The following RIMS2 variants were observed in gnomAD, a reference collection of about 807,000 sequenced individuals.
RIMS2 encodes the protein regulating synaptic membrane exocytosis protein 2.
RIMS2 carries 59 observed loss-of-function variants against 174.4 expected under a neutral mutation model. The observed-to-expected ratio is 0.34, with a 90% CI of 0.27 to 0.42. RIMS2 has a LOEUF of 0.42. Among genes scored for constraint, RIMS2 ranks in the 10% least tolerant of loss-of-function variants. The pLI is 1.00. For synonymous variants in RIMS2, 606 were observed against 572.5 expected, an observed-to-expected ratio of 1.06 and a Z score of -0.84; for missense variants, 1,620 against 1,666.3, an observed-to-expected ratio of 0.97 and a Z score of 0.48.
At chr8:104,247,960 G>A (rs2099345250) in intron 20 of RIMS2, among the ~76,000 whole-genome samples, 1 of 152,210 alleles carries the variant, frequency 6.6e-6, no homozygotes, top group Non-Finnish European at 1.5e-5. Flanking sequence ...AGTGTTTAGT[G>A]TCAGAACTAG....
chr8:103,705,736 C>T (rs1442909490), intron 2 of RIMS2, among the ~76,000 whole-genome samples: 1 of 151,708 alleles, frequency 6.6e-6, no homozygotes, highest in Admixed American at 6.6e-5. Flanking sequence ...CTAATAGCTT[C>T]TGCTGATCTG....
At chr8:103,881,361 A>G (rs1269626575) in intron 3 of RIMS2, among the ~76,000 whole-genome samples, 1 of 151,544 alleles carries the variant, frequency 6.6e-6, no homozygotes, top group Non-Finnish European at 1.5e-5. Flanking sequence ...TTTTATCAAT[A>G]TGGTCAGAAT....
At chr8:103,955,543 T>A (rs1371928397) in intron 14 of RIMS2, among the ~76,000 whole-genome samples, 1 of 152,076 alleles carries the variant, frequency 6.6e-6, no homozygotes, top group Non-Finnish European at 1.5e-5. Context: ...TTAAACAAAA[T>A]TCAACACCCC....
intron 16 of RIMS2, among the ~76,000 whole-genome samples, chr8:103,978,314 A>G (rs2093618563): frequency 8.5e-6 from 1 of 117,960 alleles, no homozygotes; most frequent in African/African-American, 2.6e-5. Context: ...TGTTTATTCC[A>G]TGATAAAACA....
At chr8:104,248,767 C>A (rs2140208966) in exon 21 of RIMS2, 1 of 1,612,728 alleles carries the variant, frequency 6.2e-7, no homozygotes, top group Non-Finnish European at 8.5e-7. Context: ...ATGGCCTTGG[C>A]CCTGCTCAGC....
chr8:104,174,092 G>T (rs191810354), intron 19 of RIMS2, among the ~76,000 whole-genome samples: 5 of 151,962 alleles, frequency 3.3e-5, no homozygotes, highest in Non-Finnish European at 7.4e-5. Context: ...GATTACAGGT[G>T]CCTGCCACCA....
rs2098030109 is a variant in RIMS2, at chr8:103,757,103, G to A, written c.388-9124G>A. Among the ~76,000 whole-genome samples the A allele has an allele frequency of 2.1e-5, 3 of 144,844 alleles. No individual in the cohort carries two copies. In the South Asian group the frequency reaches 6.8e-4, roughly 33 times the overall value. The stretch of plus-strand genomic sequence containing the variant: ...ATCTCCAATACAGTGTAGAACAGAG[G>A]TGGTGATACCGGGAATCCTTAGATC... On this transcript the variant is annotated intron_variant, in intron 2 of 23. Transcript: ENST00000504942.
chr8:103,611,153 T>A (rs2095354790), intron 1 of RIMS2, among the ~76,000 whole-genome samples: 1 of 152,150 alleles, frequency 6.6e-6, no homozygotes, highest in Non-Finnish European at 1.5e-5. Context: ...TTTTGTTTTG[T>A]TTTGTTTTGT....
chr8:103,966,407 G>A (rs1238043178), intron 15 of RIMS2, among the ~76,000 whole-genome samples: 1 of 152,032 alleles, frequency 6.6e-6, no homozygotes, highest in African/African-American at 2.4e-5. Context: ...AAATTTGTGG[G>A]CATAGAGTTT....
intron 21 of RIMS2, 129 bp from the exon 28 acceptor site, chr8:104,249,358 T>C: frequency 3.6e-6 from 2 of 553,760 alleles, no homozygotes; most frequent in Non-Finnish European, 6.5e-6. Flanking sequence ...TTGATAGAAT[T>C]TTAAGTATAT....
At chr8:104,014,602 A>C (rs536664960) in exon 19 of RIMS2, 3 of 1,607,094 alleles carry the variant, frequency 1.9e-6, no homozygotes, top group South Asian at 2.2e-5. Context: ...CACCAAAGGG[A>C]ACGTTGGATA....
intron 19 of RIMS2, among the ~76,000 whole-genome samples, chr8:104,062,190 G>A (rs980462030): frequency 3.9e-5 from 6 of 152,020 alleles, no homozygotes; most frequent in African/African-American, 1.4e-4. Flanking sequence ...CAGATCATGA[G>A]GTCAAGAGAT....
At chr8:103,720,443 T>G (rs1342301082) in intron 2 of RIMS2, among the ~76,000 whole-genome samples, 2 of 152,232 alleles carry the variant, frequency 1.3e-5, no homozygotes, top group Non-Finnish European at 2.9e-5. Context: ...AATACTGACT[T>G]AACAGTGGTA....
intron 19 of RIMS2, among the ~76,000 whole-genome samples, chr8:104,225,204 T>A (rs1325876666): frequency 1.3e-5 from 2 of 152,218 alleles, no homozygotes; most frequent in Non-Finnish European, 2.9e-5. Flanking sequence ...GTACTTTTGT[T>A]ATCCTCATTT....
intron 19 of RIMS2, among the ~76,000 whole-genome samples, chr8:104,114,915 A>G (rs1038804772): frequency 2.6e-5 from 4 of 152,072 alleles, no homozygotes; most frequent in Non-Finnish European, 5.9e-5. Flanking sequence ...AAGGATTGCA[A>G]ATATTTAACT....
intron 1 of RIMS2, among the ~76,000 whole-genome samples, chr8:103,581,999 C>T (rs1401499756): frequency 1.3e-5 from 2 of 152,234 alleles, no homozygotes; most frequent in South Asian, 2.1e-4. Context: ...CCAGGCTACA[C>T]AGCTTGTGGC....
intron 19 of RIMS2, among the ~76,000 whole-genome samples, chr8:104,235,662 A>G (rs894032268): frequency 2.0e-5 from 3 of 152,052 alleles, no homozygotes; most frequent in Non-Finnish European, 2.9e-5. Context: ...TCACTCATAC[A>G]CACACATGCA....
chr8:103,720,809 T>C (rs1429831337), intron 2 of RIMS2, among the ~76,000 whole-genome samples: 1 of 152,210 alleles, frequency 6.6e-6, no homozygotes, highest in African/African-American at 2.4e-5. Context: ...AGAGAGAGGC[T>C]ACTGACTATT....
chr8:103,770,828 A>T (rs370885040), intron 3 of RIMS2, among the ~76,000 whole-genome samples: 1 of 151,514 alleles, frequency 6.6e-6, no homozygotes, highest in African/African-American at 2.4e-5. Context: ...TTATTGCAGT[A>T]TTTGAATTGG....
Sources: allele counts gnomAD v4.1 joint callset (sites outside exome capture counted in the v4.1 genomes callset), GRCh38; gene constraint gnomAD v4.1.1; transcripts MANE v1.5; gene names NCBI Gene and HGNC (gene_info 2026-07-23, HGNC 2026-07-21).